The following PCM1 variants were observed in gnomAD, a reference collection of about 807,000 sequenced individuals.
The protein encoded by PCM1 is pericentriolar material 1 protein.
PCM1 carries 157 observed loss-of-function variants against 241.9 expected under a neutral mutation model. The ratio of observed to expected loss-of-function variants is 0.65; its 90% confidence interval spans 0.57 to 0.74. The LOEUF is 0.74. PCM1 is among the 30% of genes least tolerant of loss of function. The pLI is 0.00. For missense variants in PCM1, 3,478 were observed against 2,360.1 expected (o/e 1.47, Z -9.81); for synonymous variants, 1,085 against 784.9 (o/e 1.38, Z -6.39).
At chr8:17,933,016 C>G (rs573073880) in intron 2 of PCM1, among the ~76,000 whole-genome samples, 19 of 152,186 alleles carry the variant, frequency 1.2e-4, no homozygotes, top group African/African-American at 4.6e-4. Context: ...TTCCCCTCTT[C>G]TATGATTGAG....
At chr8:17,929,879 A>G (rs1486718608) in intron 2 of PCM1, among the ~76,000 whole-genome samples, 1 of 152,212 alleles carries the variant, frequency 6.6e-6, no homozygotes, top group Non-Finnish European at 1.5e-5. Flanking sequence ...ACAACAGTAT[A>G]CTGTAATAAA....
chr8:17,971,290 T>A (rs1023340532), intron 22 of PCM1, among the ~76,000 whole-genome samples: 1 of 152,228 alleles, frequency 6.6e-6, no homozygotes, highest in South Asian at 2.1e-4. Context: ...TGTAGGTCAC[T>A]GTCTCCCAGA....
chr8:17,980,710 C>G lies in PCM1; in HGVS notation c.4063C>G (p.Leu1355Val). Residue 1355 changes from leucine (L) to valine (V), a missense_variant, in exon 24 of 39, where the codon CTG becomes GTG. Coordinates refer to ENST00000325083, the MANE Select transcript of PCM1 (RefSeq NM_006197.4). Reference protein sequence around the residue: ...KVFSRKNHEQLEKIIKCNRST... With the variant: ...KVFSRKNHEQVEKIIKCNRST... ...ATTCAGCAGAAAGAATCATGAGCAA[C>G]TGGAAAAAATAATAAAATGTAATAG... 6.2e-7 allele frequency: 1 copy of G among 1,612,336 alleles called. No individual in the cohort carries two copies. The highest frequency in any genetic ancestry group is 1.1e-5 in the South Asian group (1 of 91,026).
At chr8:17,954,064 G>A (rs1173367539) in intron 9 of PCM1, among the ~76,000 whole-genome samples, 2 of 152,060 alleles carry the variant, frequency 1.3e-5, no homozygotes, top group African/African-American at 2.4e-5. Context: ...TCTTTTCTCT[G>A]ACTTCTGCTA....
chr8:17,956,866 TTACTA>T, intron 11 of PCM1, 89 bp downstream of exon 11: 4 of 1,034,022 alleles, frequency 3.9e-6, no homozygotes, highest in Non-Finnish European at 5.7e-6. Flanking sequence ...GTTGTAGTAT[TTACTA>T]TTTGCCTTTT....
In PCM1 at chr8:18,028,495, A is replaced by C. The variant is rs919182409; in HGVS notation, c.*833A>C. ...AAGTGGGGATAAATAATACAACTAAATTTCTGTAATAGTAAGATTCTGTAT... is the reference window on the plus strand; with the variant it reads ...AAGTGGGGATAAATAATACAACTAACTTTCTGTAATAGTAAGATTCTGTAT... On this transcript the variant is annotated 3_prime_UTR_variant, in exon 39 of 39. Coordinates refer to ENST00000325083, the MANE Select transcript of PCM1 (RefSeq NM_006197.4). 3 of 197,788 alleles carry C rather than the reference A, an allele frequency of 1.5e-5. No homozygotes were observed. The highest frequency in any genetic ancestry group is 3.1e-5 in the Non-Finnish European group (3 of 95,582). 12.3% of individuals were successfully genotyped at this position (197,788 alleles called of 1,614,324 possible). A position where few individuals can be genotyped will look rare whatever the true frequency, so the allele number is the denominator to read the frequency against.
At chr8:18,025,935 C>A (rs977495382) in intron 38 of PCM1, among the ~76,000 whole-genome samples, 3 of 151,716 alleles carry the variant, frequency 2.0e-5, no homozygotes, top group African/African-American at 7.3e-5. Flanking sequence ...GAGGCCAAGG[C>A]GGGTGGATCA....
rs1563880987 is a variant in PCM1 at position 17,955,358 on chromosome 8, A to G, written c.1289-112A>G. On this transcript the variant is annotated intron_variant, in intron 9 of 38. Coordinates refer to ENST00000325083, the MANE Select transcript of PCM1 (RefSeq NM_006197.4). ...ATTTTCTGAAATTTAAATCTGCAGA[A>G]ATTAAGTTGTTAATTTTTACTTTTT... 4 of 678,676 alleles carry G rather than the reference A, an allele frequency of 5.9e-6. No individual in the cohort carries two copies. The East Asian group carries it at 8.4e-5, about 14-fold the overall frequency. The allele number at this position is 678,676 out of a possible 1,614,324, so 42.0% of individuals were successfully genotyped here.
intron 8 of PCM1, among the ~76,000 whole-genome samples, chr8:17,952,603 G>C (rs370397450): frequency 2.0e-5 from 3 of 152,284 alleles, no homozygotes. Flanking sequence ...TTTACATAGT[G>C]TTTATATTGT....
chr8:18,024,505 A>T (rs113934667), intron 36 of PCM1, among the ~76,000 whole-genome samples: 1 of 152,232 alleles, frequency 6.6e-6, no homozygotes, highest in Non-Finnish European at 1.5e-5. Context: ...GTACAATTAT[A>T]CATTTAAAAC....
intron 9 of PCM1, among the ~76,000 whole-genome samples, chr8:17,954,273 C>T (rs1487942262): frequency 6.6e-6 from 1 of 151,896 alleles, no homozygotes; most frequent in Non-Finnish European, 1.5e-5. Flanking sequence ...ACTAAAAGTA[C>T]AAAAGTAGCC....
intron 2 of PCM1, among the ~76,000 whole-genome samples, chr8:17,930,606 C>T (rs948274516): frequency 5.3e-5 from 8 of 151,604 alleles, no homozygotes; most frequent in African/African-American, 1.5e-4. Context: ...TGGCCGGGTG[C>T]GGTGGCTCAC....
chr8:17,963,066 A>G (rs191990072), intron 16 of PCM1, 35 bp from the exon 17 acceptor site: 12 of 1,505,174 alleles, frequency 8.0e-6, no homozygotes, highest in African/African-American at 4.2e-5. Flanking sequence ...GCAAATCCAA[A>G]TATTTATTTA....
intron 38 of PCM1, 43 bp from the exon 39 acceptor site, chr8:18,027,594 A>G: frequency 2.8e-6 from 4 of 1,417,488 alleles, no homozygotes; most frequent in Non-Finnish European, 3.9e-6. Context: ...AATTCTAGTA[A>G]TTCGATAAGT....
chr8:17,980,855 C>CT, intron 24 of PCM1, 100 bp downstream of exon 24: 1 of 796,196 alleles, frequency 1.3e-6, no homozygotes, highest in Non-Finnish European at 1.9e-6. Context: ...TCACACGTAT[C>CT]TATCATGTGG....
intron 36 of PCM1, among the ~76,000 whole-genome samples, chr8:18,020,825 T>C (rs1304100140): frequency 6.6e-6 from 1 of 152,188 alleles, no homozygotes; most frequent in Admixed American, 6.5e-5. Flanking sequence ...GAGTGAGTGA[T>C]GATTTTGGAA....
chr8:17,986,119 AT>A, intron 26 of PCM1, 32 bp downstream of exon 26: 1 of 1,417,750 alleles, frequency 7.1e-7, no homozygotes, highest in Non-Finnish European at 9.4e-7. Flanking sequence ...AATTGTAGAT[AT>A]AATTTTAGTA....
At chr8:18,020,617 T>C (rs1477584026) in intron 36 of PCM1, among the ~76,000 whole-genome samples, 1 of 152,186 alleles carries the variant, frequency 6.6e-6, no homozygotes, top group Non-Finnish European at 1.5e-5. Flanking sequence ...ATACATTTTA[T>C]TGATGGATCC....
At chr8:17,985,409 T>C (rs896309200) in intron 24 of PCM1, 38 bp from the exon 25 acceptor site, 1 of 1,432,134 alleles carries the variant, frequency 7.0e-7, no homozygotes, top group Non-Finnish European at 9.5e-7. Flanking sequence ...TGAAGGTACT[T>C]CATCAATATT....
Sources: gnomAD v4.1 joint callset for allele counts (sites outside exome capture counted in the v4.1 genomes callset) on GRCh38, gnomAD v4.1.1 for gene constraint, MANE v1.5 for transcripts, NCBI Gene and HGNC (gene_info 2026-07-23, HGNC 2026-07-21) for gene names.